The following IL12B variants were observed in gnomAD, a reference collection of about 807,000 sequenced individuals.
IL12B encodes the protein interleukin-12 subunit beta.
Under a neutral mutation model 39.2 loss-of-function variants are expected in IL12B, and 27 were observed. The observed-to-expected ratio is 0.69, with a 90% CI of 0.51 to 0.95. The LOEUF (loss-of-function observed/expected upper bound fraction) is 0.95, where lower values mean the gene tolerates loss of function less well. IL12B is among the 40% of genes least tolerant of loss of function. The pLI, the probability that IL12B is intolerant of heterozygous loss-of-function variation, is 0.00. For synonymous variants in IL12B, 142 were observed against 152.1 expected, an observed-to-expected ratio of 0.93 and a Z score of 0.49; for missense variants, 351 against 397.6, an observed-to-expected ratio of 0.88 and a Z score of 1.00.
intron 2 of IL12B, among the ~76,000 whole-genome samples, chr5:159,326,280 G>T (rs3213089): frequency 0.013 from 1,909 of 152,248 alleles, 41 homozygotes; most frequent in African/African-American, 0.043. Flanking sequence ...CAAAGTGCTT[G>T]GTCAGAGGTA....
chr5:159,317,896 G>A (rs1754015571), intron 6 of IL12B: 1 of 152,260 alleles, frequency 6.6e-6, no homozygotes, highest in Admixed American at 6.5e-5. Flanking sequence ...AGGTAGTGGA[G>A]TGGTTAGGTG....
At chr5:159,324,120 T>A (rs899894891) in intron 2 of IL12B, among the ~76,000 whole-genome samples, 5 of 140,856 alleles carry the variant, frequency 3.5e-5, no homozygotes, top group Non-Finnish European at 6.2e-5. Flanking sequence ...TATTATTATT[T>A]TTAGCTATCT....
rs575161274 is a variant in IL12B, at chr5:159,318,869, A to G, written c.722T>C (p.Leu241Ser). ...DIIKPDPPKN[L>S]QLKPLKNSRQ... is the part of the protein sequence containing the mutation. ...AGAATTCTTTAATGGCTTCAGCTGC[A>G]AGTTCTTGGGTGGGTCAGGTTTGAC... is the stretch of plus-strand genomic sequence containing the variant. Residue 241 changes from leucine (L) to serine (S), a missense_variant, in exon 6 of 8, where the codon TTG (leucine) becomes TCG (serine). Coordinates refer to ENST00000231228, the MANE Select transcript of IL12B (RefSeq NM_002187.3). 6.2e-7 allele frequency: 1 copy of G among 1,614,038 alleles called. No homozygotes were observed. Among genetic ancestry groups the G allele is most frequent in the East Asian group, 2.2e-5 (1 of 44,880 alleles).
chr5:159,323,060 G>T lies in IL12B; in HGVS notation c.358C>A (p.Gln120Lys), dbSNP rs778309275. The change falls in exon 3 of 8, where the codon CAG becomes AAG. Residue 120 changes from glutamine (Q) to lysine (K), a missense_variant. Gln to Lys is a moderately conservative substitution (Grantham distance 53, BLOSUM62 1). Transcript: ENST00000231228. ...TCCAAGGGTATAGAATTACCTTTCT[G>T]GTCCTTTAAAATATCAGTGGACCAA... The part of the protein sequence containing the change: ...GIWSTDILKD[Q>K]KEPKNKTFLR... 1.2e-6 allele frequency: 2 copies of T among 1,613,922 alleles called. No individual in the cohort carries two copies. The highest frequency in any genetic ancestry group is 2.2e-5 in the East Asian group (1 of 44,888).
rs768523225 is a variant in IL12B at position 159,316,751 on chromosome 5, G to A, written c.921C>T (p.Ser307=). The change falls in exon 7 of 8, where the codon AGC becomes AGT. Residue 307 remains serine, a synonymous_variant. Coordinates refer to ENST00000231228, the MANE Select transcript of IL12B (RefSeq NM_002187.3). ...TATAGTAGCGGTCCTGGGCCCGCAC[G>A]CTAATGCTGGCATTTTTGCGGCAGA... is the stretch of plus-strand genomic sequence containing the variant. ...TVICRKNASI[S]VRAQDRYYSS... The A allele has an allele frequency of 6.2e-6, 10 of 1,613,928 alleles. No homozygotes were observed. The highest frequency in any genetic ancestry group is 8.5e-6 in the Non-Finnish European group (10 of 1,179,942).
chr5:159,316,671 G>A lies in IL12B; in HGVS notation c.*14C>T, dbSNP rs1178690481. On this transcript the variant is annotated intron_variant, in intron 7 of 7. Coordinates refer to ENST00000231228, the MANE Select transcript of IL12B (RefSeq NM_002187.3). ...AGAGTGCAGGCCTGGGCTGGCCTTT[G>A]AGGGCCTGCTCACCTAACTGCAGGG... is the stretch of plus-strand genomic sequence containing the variant. The A allele has an allele frequency of 6.2e-7, 1 of 1,609,482 alleles. No individual in the cohort carries two copies. Among genetic ancestry groups the A allele is most frequent in the East Asian group, 2.2e-5 (1 of 44,864 alleles).
intron 4 of IL12B, among the ~76,000 whole-genome samples, chr5:159,321,468 T>C (rs552371396): frequency 3.9e-5 from 6 of 152,004 alleles, no homozygotes; most frequent in Admixed American, 6.6e-5. Context: ...ATTTTACTTA[T>C]ACATATAGAT....
intron 2 of IL12B, among the ~76,000 whole-genome samples, chr5:159,324,360 A>AT (rs1170531497): frequency 6.6e-6 from 1 of 152,138 alleles, no homozygotes; most frequent in Admixed American, 6.6e-5. Flanking sequence ...AGCTTCATTC[A>AT]TTTTTTTAAT....
Sources: gnomAD v4.1 joint callset for allele counts (sites outside exome capture counted in the v4.1 genomes callset) on GRCh38, gnomAD v4.1.1 for gene constraint, MANE v1.5 for transcripts, NCBI Gene and HGNC (gene_info 2026-07-23, HGNC 2026-07-21) for gene names.